KLF13: variants seen among roughly 807,000 people sequenced by gnomAD.
KLF13 encodes Krueppel-like factor 13.
A neutral mutation model predicts 16.7 loss-of-function variants in KLF13; 8 were observed. The ratio of observed to expected loss-of-function variants is 0.48; its 90% CI spans 0.28 to 0.87. The LOEUF (loss-of-function observed/expected upper bound fraction) is 0.87, where lower values mean the gene tolerates loss of function less well. KLF13 is among the 40% of genes least tolerant of loss of function. The probability of loss-of-function intolerance (pLI) is 0.10; values close to 1 mark genes in which losing one functional copy is unlikely to be tolerated. For synonymous variants in KLF13, 245 were observed against 208.4 expected (o/e 1.18, Z -1.51); for missense variants, 447 against 452.2 (o/e 0.99, Z 0.10).
In KLF13 at chr15:31,372,638, A is replaced by G; in HGVS notation, c.*339A>G. 7.6e-6 allele frequency: 2 copies of G among 263,514 alleles called. No individual in the cohort carries two copies. The highest frequency in any genetic ancestry group is 7.5e-5 in the East Asian group (1 of 13,314). The allele number at this position is 263,514 out of a possible 1,614,324, so 16.3% of individuals were successfully genotyped here. The stretch of plus-strand genomic sequence containing the variant: ...GATTTGCACTCTGGAGTTTTCTGTT[A>G]GGTTCGGGAACACGCTGGGGACAGA... On this transcript the variant is annotated 3_prime_UTR_variant, in exon 2 of 2. Coordinates refer to ENST00000307145, the MANE Select transcript of KLF13 (RefSeq NM_015995.4).
downstream of KLF13, among the ~76,000 whole-genome samples, chr15:31,379,608 A>G (rs1012345642): frequency 2.0e-5 from 3 of 152,234 alleles, no homozygotes; most frequent in African/African-American, 4.8e-5. Flanking sequence ...AAAAAAAGCA[A>G]GCAATAGATT....
At position 31,423,163 on chromosome 15, in the gene KLF13, A is replaced by ATACG. The variant is rs2040361750; in HGVS notation, n.118-12206_118-12205insACGT. On this transcript the variant is annotated intron_variant and non_coding_transcript_variant, in intron 1 of 1. Transcript: ENST00000558225. ...CGTATACGTATATATACGTATATATATGTATATATATACATATATACGTAT... is the reference window on the plus strand; with the variant it reads ...CGTATACGTATATATACGTATATATATACGTGTATATATATACATATATACGTAT... Among the ~76,000 whole-genome samples, 10 of 118,084 alleles carry ATACG rather than the reference A, an allele frequency of 8.5e-5. 4 individuals are homozygous for ATACG. The highest frequency in any genetic ancestry group is 4.6e-4 in the African/African-American group (10 of 21,704). 77.5% of individuals were successfully genotyped at this position (118,084 alleles called of 152,430 possible).
rs1241229922 is a variant in KLF13, at chr15:31,327,531, T to C, written c.319T>C (p.Ser107Pro). Residue 107 changes from serine (S) to proline (P), a missense_variant, in exon 1 of 2, where the codon TCC (serine) becomes CCC (proline). Ser to Pro is a moderately conservative substitution (Grantham distance 74). This residue lies in a region of KLF13 where 359 missense variants were observed against 282.8 expected (regional missense o/e 1.27). Transcript: ENST00000307145. ...GCCGCCGCCCGCCCCCGAGCCCACC[T>C]CCCCCGGCGCCGAAGGCGCGGCGGC... ...RLPPPAPEPT[S>P]PGAEGAAAAP... The C allele has an allele frequency of 2.0e-6, 2 of 1,009,458 alleles. No homozygotes were observed. The highest frequency in any genetic ancestry group is 2.4e-6 in the Non-Finnish European group (2 of 828,322). The allele number at this position is 1,009,458 out of a possible 1,614,324, so 62.5% of individuals were successfully genotyped here.
chr15:31,345,628 C>T (rs2039102279), intron 1 of KLF13, among the ~76,000 whole-genome samples: 1 of 152,194 alleles, frequency 6.6e-6, no homozygotes, highest in Non-Finnish European at 1.5e-5. Flanking sequence ...CTTTGGCCCC[C>T]ATCCCCCTCA....
chr15:31,391,803 T>G (rs1353378276), upstream of KLF13, among the ~76,000 whole-genome samples: 1 of 151,838 alleles, frequency 6.6e-6, no homozygotes, highest in African/African-American at 2.4e-5. Flanking sequence ...CGGAGTTGGG[T>G]TGGGGGAGGC....
At chr15:31,405,129 A>T (rs1377264907), downstream of KLF13, among the ~76,000 whole-genome samples, 1 of 152,206 alleles carries the variant, frequency 6.6e-6, no homozygotes, top group Non-Finnish European at 1.5e-5. Flanking sequence ...TCATGCGAGC[A>T]GAGCTCTCAT....
rs2039613796 is a variant in KLF13 at position 31,374,639 on chromosome 15, A to G, written c.*2340A>G. On this transcript the variant is annotated 3_prime_UTR_variant, in exon 2 of 2. Transcript: ENST00000307145. The stretch of plus-strand genomic sequence containing the variant: ...AAGTCCTTTGGTGCACTCACCGTCC[A>G]CCGTTCCCCAAGGCAGGGAGAGGGA... The G allele has an allele frequency of 6.6e-6, 1 of 151,978 alleles. No homozygotes were observed. The highest frequency in any genetic ancestry group is 1.5e-5 in the Non-Finnish European group (1 of 67,904). 9.4% of individuals were successfully genotyped at this position (151,978 alleles called of 1,614,324 possible).
intron 1 of KLF13, among the ~76,000 whole-genome samples, chr15:31,358,972 GA>G (rs1208952031): frequency 9.9e-5 from 15 of 152,244 alleles, no homozygotes; most frequent in East Asian, 7.7e-4. Context: ...CGTGCTCAGG[GA>G]AGATGCTTCT....
chr15:31,432,557 C>A (rs2040486809), intron 1 of KLF13, among the ~76,000 whole-genome samples: 3 of 151,848 alleles, frequency 2.0e-5, no homozygotes, highest in African/African-American at 7.3e-5. Context: ...CAAGATATCC[C>A]CCTGCCTCAG....
At chr15:31,411,562 A>T (rs1595506698) in intron 1 of KLF13, among the ~76,000 whole-genome samples, 1 of 137,750 alleles carries the variant, frequency 7.3e-6, no homozygotes, top group Non-Finnish European at 1.6e-5. Context: ...CACCTGGCTA[A>T]TTTTTTTTTT....
At chr15:31,404,586 A>G (rs1230650876) in exon 3 of KLF13, 1 of 152,266 alleles carries the variant, frequency 6.6e-6, no homozygotes, top group Non-Finnish European at 1.5e-5. Flanking sequence ...TGTAAAATGG[A>G]CCAATCAGCA....
At chr15:31,405,387 C>G (rs1332397411), downstream of KLF13, among the ~76,000 whole-genome samples, 11 of 152,222 alleles carry the variant, frequency 7.2e-5, no homozygotes, top group Non-Finnish European at 1.6e-4. Flanking sequence ...GAGGCCACAG[C>G]AAGAAGACTG....
chr15:31,414,340 C>G (rs942507913), intron 1 of KLF13, among the ~76,000 whole-genome samples: 2 of 151,956 alleles, frequency 1.3e-5, no homozygotes. Flanking sequence ...ATATGTAAGA[C>G]AAAAATAAAA....
At chr15:31,421,296 A>C (rs990579272) in intron 1 of KLF13, among the ~76,000 whole-genome samples, 1 of 152,214 alleles carries the variant, frequency 6.6e-6, no homozygotes, top group Non-Finnish European at 1.5e-5. Context: ...ACAAAAGGAC[A>C]CTTGACAGCA....
At chr15:31,332,166 C>T (rs1269053068) in intron 1 of KLF13, among the ~76,000 whole-genome samples, 2 of 152,078 alleles carry the variant, frequency 1.3e-5, no homozygotes, top group Non-Finnish European at 2.9e-5. Context: ...GTGGTATTGA[C>T]AGGGTTGATA....
rs2039582784 is a variant in KLF13, at chr15:31,373,067, C to T, written c.*768C>T. On this transcript the variant is annotated 3_prime_UTR_variant, in exon 2 of 2. Transcript: ENST00000307145. ...CTGAGCGTAGCACTGCACCGTCCGACCTCCGAGGCAGGGGCCGGGGTCACA... is the reference window on the plus strand; with the variant it reads ...CTGAGCGTAGCACTGCACCGTCCGATCTCCGAGGCAGGGGCCGGGGTCACA... The T allele has an allele frequency of 6.6e-6, 1 of 152,468 alleles. No individual in the cohort carries two copies. Among genetic ancestry groups the T allele is most frequent in the Non-Finnish European group, 1.5e-5 (1 of 68,122 alleles). The allele number at this position is 152,468 out of a possible 1,614,324, so 9.4% of individuals were successfully genotyped here.
downstream of KLF13, among the ~76,000 whole-genome samples, chr15:31,382,808 G>A (rs926330559): frequency 1.3e-5 from 2 of 152,216 alleles, no homozygotes; most frequent in Non-Finnish European, 2.9e-5. Context: ...ATGTGTCTAG[G>A]TACCGCGTCC....
At chr15:31,410,753 G>T (rs972159330) in intron 1 of KLF13, among the ~76,000 whole-genome samples, 7 of 152,020 alleles carry the variant, frequency 4.6e-5, no homozygotes, top group Non-Finnish European at 1.0e-4. Flanking sequence ...CCTAACAACA[G>T]AGTTCGAAAT....
chr15:31,329,311 G>T (rs2038784697), intron 1 of KLF13, among the ~76,000 whole-genome samples: 1 of 148,836 alleles, frequency 6.7e-6, no homozygotes, highest in Admixed American at 6.7e-5. Context: ...TCGGCTCCAG[G>T]TGGATCCTGA....
Sources: allele counts gnomAD v4.1 joint callset (sites outside exome capture counted in the v4.1 genomes callset), GRCh38; gene constraint gnomAD v4.1.1; regional missense constraint gnomAD v4.1.1; transcripts MANE v1.5; gene names NCBI Gene and HGNC (gene_info 2026-07-23, HGNC 2026-07-21).